The following LARGE1 variants were observed in gnomAD, a reference collection of about 807,000 sequenced individuals.
LARGE1 encodes xylosyl- and glucuronyltransferase LARGE1.
Under a neutral mutation model 87.6 loss-of-function variants are expected in LARGE1, and 43 were observed. The observed-to-expected ratio is 0.49, with a 90% CI of 0.38 to 0.63. The LOEUF is 0.63. Ranked by LOEUF, LARGE1 falls within the 30% of genes least tolerant of loss-of-function variation. The probability of loss-of-function intolerance (pLI) is 0.00; values close to 1 mark genes in which losing one functional copy is unlikely to be tolerated. For synonymous variants in LARGE1, 434 were observed against 394.6 expected, an observed-to-expected ratio of 1.10 and a Z score of -1.18; for missense variants, 802 against 1,000.2, an observed-to-expected ratio of 0.80 and a Z score of 2.67.
chr22:33,325,334 C>G (rs2157197), intron 10 of LARGE1, among the ~76,000 whole-genome samples: 43,912 of 152,182 alleles, frequency 0.29, 7,025 homozygotes, highest in Non-Finnish European at 0.37. Flanking sequence ...TGATACAGCT[C>G]TGGCCACTGG....
intron 2 of LARGE1, among the ~76,000 whole-genome samples, chr22:33,679,079 T>A (rs1199634668): frequency 6.6e-6 from 1 of 152,236 alleles, no homozygotes; most frequent in African/African-American, 2.4e-5. Flanking sequence ...TATTTTTTGT[T>A]TAATATCTAT....
At chr22:33,698,751 C>T (rs1016871840) in intron 2 of LARGE1, among the ~76,000 whole-genome samples, 3 of 152,194 alleles carry the variant, frequency 2.0e-5, no homozygotes, top group Non-Finnish European at 4.4e-5. Flanking sequence ...AAGACAAGCA[C>T]ACTCCTGCCA....
intron 11 of LARGE1, among the ~76,000 whole-genome samples, chr22:33,173,810 A>ATGGGTG (rs1480768258): frequency 2.0e-5 from 3 of 152,198 alleles, no homozygotes; most frequent in African/African-American, 7.2e-5. Flanking sequence ...ATATATATGC[A>ATGGGTG]CCCAATACAA....
the LARGE1 span, among the ~76,000 whole-genome samples, chr22:33,090,197 T>C: frequency 6.6e-6 from 1 of 152,136 alleles, no homozygotes; most frequent in Non-Finnish European, 1.5e-5. Context: ...AGAGCAAGAC[T>C]CCGTCTCAAT....
At chr22:33,460,872 T>C (rs1044943146) in intron 6 of LARGE1, among the ~76,000 whole-genome samples, 4 of 152,218 alleles carry the variant, frequency 2.6e-5, no homozygotes, top group Admixed American at 2.0e-4. Flanking sequence ...TGATCTCCAC[T>C]GAGAATTCTT....
At chr22:33,340,969 T>C (rs1052176741) in intron 9 of LARGE1, among the ~76,000 whole-genome samples, 5 of 149,980 alleles carry the variant, frequency 3.3e-5, no homozygotes, top group Non-Finnish European at 5.9e-5. Context: ...GGAAATGAAA[T>C]AGCTTTTCCC....
At chr22:33,545,406 A>G (rs1218334235) in intron 6 of LARGE1, among the ~76,000 whole-genome samples, 2 of 136,928 alleles carry the variant, frequency 1.5e-5, no homozygotes, top group African/African-American at 5.6e-5. Flanking sequence ...GGTGTGCACC[A>G]CTACACCCAG....
At chr22:33,471,331 A>G (rs2068832939) in intron 6 of LARGE1, among the ~76,000 whole-genome samples, 2 of 152,134 alleles carry the variant, frequency 1.3e-5, no homozygotes, top group South Asian at 4.2e-4. Flanking sequence ...GGCATGAGCC[A>G]CCACACTCAG....
chr22:33,692,477 A>T (rs938731439), intron 2 of LARGE1, among the ~76,000 whole-genome samples: 1 of 152,086 alleles, frequency 6.6e-6, no homozygotes, highest in Admixed American at 6.5e-5. Context: ...CAAATGGCTA[A>T]TTTTTGTAGT....
At chr22:33,133,813 C>T in the LARGE1 span, among the ~76,000 whole-genome samples, 1 of 141,282 alleles carries the variant, frequency 7.1e-6, no homozygotes, top group African/African-American at 2.6e-5. Context: ...AAAAGCATTC[C>T]TATTTTTCCA....
At chr22:33,914,400 G>A (rs572943714) in intron 1 of LARGE1, among the ~76,000 whole-genome samples, 18 of 152,236 alleles carry the variant, frequency 1.2e-4, no homozygotes, top group Middle Eastern at 3.4e-3. Context: ...TGCAAAATCC[G>A]GAGAGGTCAC....
At chr22:33,381,151 C>T (rs914519840) in intron 9 of LARGE1, among the ~76,000 whole-genome samples, 3 of 152,206 alleles carry the variant, frequency 2.0e-5, no homozygotes, top group African/African-American at 7.2e-5. Flanking sequence ...CCCCAGTCAC[C>T]AGCTGTCCCA....
chr22:33,222,620 C>A (rs573075909), intron 11 of LARGE1, among the ~76,000 whole-genome samples: 3 of 152,176 alleles, frequency 2.0e-5, no homozygotes, highest in African/African-American at 7.2e-5. Flanking sequence ...GAGGAGAAGA[C>A]CATGTGAAGA....
chr22:33,252,452 AT>A (rs1927056036), intron 11 of LARGE1, among the ~76,000 whole-genome samples: 1 of 152,094 alleles, frequency 6.6e-6, no homozygotes, highest in Non-Finnish European at 1.5e-5. Context: ...CTGAGATGTA[AT>A]TATTCTGGTC....
chr22:33,710,932 AAATG>A (rs1049249993), intron 2 of LARGE1, among the ~76,000 whole-genome samples: 1 of 152,194 alleles, frequency 6.6e-6, no homozygotes, highest in Non-Finnish European at 1.5e-5. Context: ...CCAAAGCAAC[AAATG>A]ACACAGCTGC....
At chr22:33,127,250 C>T in the LARGE1 span, among the ~76,000 whole-genome samples, 2 of 152,132 alleles carry the variant, frequency 1.3e-5, no homozygotes, top group African/African-American at 4.8e-5. Flanking sequence ...CCTATATATC[C>T]AATCCCCAGG....
At chr22:33,360,320 A>G (rs762893339) in intron 9 of LARGE1, among the ~76,000 whole-genome samples, 1 of 149,208 alleles carries the variant, frequency 6.7e-6, no homozygotes, top group South Asian at 2.2e-4. Flanking sequence ...CTCCAAAAAC[A>G]AAAACAAAAA....
chr22:33,422,581 C>T (rs939607266), intron 7 of LARGE1, among the ~76,000 whole-genome samples: 11 of 151,556 alleles, frequency 7.3e-5, no homozygotes, highest in African/African-American at 2.7e-4. Flanking sequence ...ATGATCTCCG[C>T]TCACTGCAAC....
rs56709273 is a variant in LARGE1, at chr22:33,330,012, A to ACAAC, written c.1287+7633_1287+7634insGTTG. On this transcript the variant is annotated intron_variant, in intron 10 of 14. Transcript: ENST00000397394. Reference sequence around the variant, plus strand: ...GTTTCATTAAAAAAACAGAACAACAAAAAAAAACCCAACAAAACCTAGACT... The same window carrying ACAAC: ...GTTTCATTAAAAAAACAGAACAACAACAACAAAAAAACCCAACAAAACCTAGACT... Among the ~76,000 whole-genome samples the ACAAC allele has an allele frequency of 6.7e-3, 877 of 131,752 alleles. 4 individuals are homozygous for ACAAC. The highest frequency in any genetic ancestry group is 0.013 in the South Asian group (61 of 4,786). 86.4% of individuals were successfully genotyped at this position (131,752 alleles called of 152,430 possible). A position where few individuals can be genotyped will look rare whatever the true frequency, so the allele number is the denominator to read the frequency against.
Sources: gnomAD v4.1 joint callset for allele counts (sites outside exome capture counted in the v4.1 genomes callset) on GRCh38, gnomAD v4.1.1 for gene constraint, MANE v1.5 for transcripts, NCBI Gene and HGNC (gene_info 2026-07-23, HGNC 2026-07-21) for gene names.